Variants in COL22A1 observed in about 807,000 individuals in gnomAD.
COL22A1 encodes the protein collagen alpha-1(XXII) chain.
COL22A1 carries 221 observed loss-of-function variants against 248.9 expected under a neutral mutation model. The observed-to-expected ratio is 0.89, with a 90% confidence interval of 0.80 to 0.99. COL22A1 has a LOEUF of 0.99. Among genes scored for constraint, COL22A1 ranks in the 50% least tolerant of loss-of-function variants. COL22A1 has a pLI of 0.00. For missense variants in COL22A1, 2,240 were observed against 2,179.0 expected, an observed-to-expected ratio of 1.03 and a Z score of -0.56; for synonymous variants, 891 against 793.4, an observed-to-expected ratio of 1.12 and a Z score of -2.07.
intron 1 of COL22A1, among the ~76,000 whole-genome samples, chr8:138,906,046 A>T (rs1259027561): frequency 6.6e-6 from 1 of 152,132 alleles, no homozygotes; most frequent in Admixed American, 6.5e-5. Flanking sequence ...CCACAGACTC[A>T]TGGATCTTAG....
At position 138,648,584 on chromosome 8, in the gene COL22A1, CTT is replaced by C. The variant is rs143017862; in HGVS notation, c.3447+1079_3447+1080del. On this transcript the variant is annotated intron_variant, in intron 46 of 64. Transcript: ENST00000303045. ...AAATCCTTTTAAAAGGCAAAGAAGG[CTT>C]TTTTTTTTCCAGTTTGATGACCCAG... Among the ~76,000 whole-genome samples the C allele has an allele frequency of 8.8e-4, 131 of 149,218 alleles. No homozygotes were observed. In the East Asian group the frequency reaches 0.023, roughly 26 times the overall value.
intron 11 of COL22A1, among the ~76,000 whole-genome samples, 156 bp downstream of exon 11, chr8:138,802,716 A>T (rs1817105059): frequency 6.6e-6 from 1 of 152,096 alleles, no homozygotes; most frequent in South Asian, 2.1e-4. Flanking sequence ...GCCCATGGAG[A>T]GGAGCTAGGG....
At chr8:138,651,949 G>A (rs1395754589) in intron 45 of COL22A1, among the ~76,000 whole-genome samples, 1 of 152,192 alleles carries the variant, frequency 6.6e-6, no homozygotes, top group East Asian at 1.9e-4. Context: ...TGGGCCTGTT[G>A]CATACTATGC....
chr8:138,642,836 C>G (rs560151482), intron 47 of COL22A1, among the ~76,000 whole-genome samples: 19 of 152,258 alleles, frequency 1.2e-4, no homozygotes, highest in South Asian at 6.2e-4. Context: ...TGAGACCAGC[C>G]TGACCAACAT....
intron 17 of COL22A1, among the ~76,000 whole-genome samples, 156 bp from the exon 18 acceptor site, chr8:138,760,443 A>G (rs924786858): frequency 3.9e-5 from 6 of 152,192 alleles, no homozygotes; most frequent in African/African-American, 1.4e-4. Context: ...GACTGTGCTT[A>G]TTGCTAGAAA....
intron 41 of COL22A1, among the ~76,000 whole-genome samples, chr8:138,675,002 A>T (rs1825398556): frequency 6.6e-6 from 1 of 152,222 alleles, no homozygotes; most frequent in South Asian, 2.1e-4. Context: ...TTACCTGAGA[A>T]TGTGTTTTAA....
chr8:138,856,455 A>T (rs181086223), intron 3 of COL22A1, among the ~76,000 whole-genome samples: 1 of 152,102 alleles, frequency 6.6e-6, no homozygotes, highest in African/African-American at 2.4e-5. Flanking sequence ...AGAAGCAGTG[A>T]CAGCAAGAGA....
intron 44 of COL22A1, among the ~76,000 whole-genome samples, chr8:138,659,690 T>C (rs568063636): frequency 2.6e-5 from 4 of 152,266 alleles, no homozygotes; most frequent in Non-Finnish European, 4.4e-5. Flanking sequence ...TTCTCTGGCA[T>C]TGGAAACTCA....
chr8:138,615,950 T>C (rs1281108241), intron 55 of COL22A1, 51 bp downstream of exon 55: 2 of 1,405,280 alleles, frequency 1.4e-6, no homozygotes, highest in African/African-American at 1.4e-5. Flanking sequence ...ACTTCCTTGA[T>C]ACACCCACCC....
At chr8:138,779,399 A>C in intron 14 of COL22A1, 110 bp downstream of exon 14, 1 of 692,700 alleles carries the variant, frequency 1.4e-6, no homozygotes, top group Non-Finnish European at 2.6e-6. Context: ...ATATGAGAAG[A>C]GGGGCAGGGA....
In COL22A1 at chr8:138,615,999, A is replaced by G. The variant is rs1320596671; in HGVS notation, c.3924+2T>C. 1 of 1,612,414 alleles carries G rather than the reference A, an allele frequency of 6.2e-7. No homozygotes were observed. The highest frequency in any genetic ancestry group is 8.5e-7 in the Non-Finnish European group (1 of 1,178,748). On this transcript the variant is annotated splice_donor_variant, in intron 55 of 64. Coordinates refer to ENST00000303045, the MANE Select transcript of COL22A1 (RefSeq NM_152888.3). LOFTEE classifies it high-confidence loss of function. ...AGCCAGGTCCCACAGGACCCCACTT[A>G]CATCTTTTCCTGGTAACCCTTCCTG... is the stretch of plus-strand genomic sequence containing the variant.
At chr8:138,773,714 G>C (rs573361064) in intron 16 of COL22A1, among the ~76,000 whole-genome samples, 1 of 152,318 alleles carries the variant, frequency 6.6e-6, no homozygotes, top group South Asian at 2.1e-4. Flanking sequence ...TGTGGGTGCT[G>C]AGGGAAGACG....
chr8:138,791,806 C>A (rs554322953), intron 12 of COL22A1, among the ~76,000 whole-genome samples: 3 of 152,254 alleles, frequency 2.0e-5, no homozygotes, highest in African/African-American at 7.2e-5. Context: ...TTGAAGAAAA[C>A]CATAAAAGAC....
Position 138,802,912 on chromosome 8 carries a change from G to A in COL22A1, c.1517C>T (p.Pro506Leu), listed in dbSNP as rs371698463. 3.5e-5 allele frequency: 57 copies of A among 1,613,714 alleles called. No individual in the cohort carries two copies. The highest frequency in any genetic ancestry group is 1.7e-4 in the Admixed American group (10 of 60,006). Residue 506 changes from proline to leucine, a missense_variant, in exon 11 of 65, where the codon CCG (proline) becomes CTG (leucine). Coordinates refer to ENST00000303045, the MANE Select transcript of COL22A1 (RefSeq NM_152888.3). ...GPKGDIGAIG[P>L]VGAPGPKGEK... Reference sequence around the variant, plus strand: ...TCCCTTAGGTCCAGGAGCGCCAACCGGCCCAATGGCTCCTATGTCTCCCTG... The same window carrying A: ...TCCCTTAGGTCCAGGAGCGCCAACCAGCCCAATGGCTCCTATGTCTCCCTG...
rs1261238836 is a variant in COL22A1, at chr8:138,826,751, C to T, written c.876G>A (p.Glu292=). 6.2e-7 allele frequency: 1 copy of T among 1,614,138 alleles called. No individual in the cohort carries two copies. Among genetic ancestry groups the T allele is most frequent in the East Asian group, 2.2e-5 (1 of 44,870 alleles). ...ACCGGAAGGTTGTGACAAAGGCGTA[C>T]TCATCAGGTAAACCTTGGGGGAACA... ...EDVFPQGLPD[E]YAFVTTFRFR... Residue 292 remains glutamate (E), a synonymous_variant, in exon 6 of 65, where the codon GAG becomes GAA. Coordinates refer to ENST00000303045, the MANE Select transcript of COL22A1 (RefSeq NM_152888.3).
chr8:138,805,064 GGT>G (rs144328245), intron 10 of COL22A1, among the ~76,000 whole-genome samples: 50,020 of 132,306 alleles, frequency 0.38, 12,078 homozygotes, highest in African/African-American at 0.72. Context: ...GGTGTGTGAT[GGT>G]GTGTGTGTGT....
At chr8:138,700,012 C>A in intron 32 of COL22A1, 100 bp downstream of exon 32, 2 of 1,093,068 alleles carry the variant, frequency 1.8e-6, no homozygotes, top group Non-Finnish European at 2.8e-6. Flanking sequence ...CGCGATGGGG[C>A]TGAGTCCTCA....
chr8:138,699,692 G>T (rs1400057618), intron 32 of COL22A1, among the ~76,000 whole-genome samples: 11 of 152,166 alleles, frequency 7.2e-5, no homozygotes, highest in Non-Finnish European at 1.6e-4. Context: ...TGAGAATGGG[G>T]TCCCCTCTTG....
intron 56 of COL22A1, among the ~76,000 whole-genome samples, chr8:138,608,219 A>T (rs1436627092): frequency 6.6e-6 from 1 of 152,248 alleles, no homozygotes. Context: ...GTCCGTGGGC[A>T]TGAAAAAGTC....
Sources: gnomAD v4.1 joint callset for allele counts (sites outside exome capture counted in the v4.1 genomes callset) on GRCh38, gnomAD v4.1.1 for gene constraint, MANE v1.5 for transcripts, NCBI Gene and HGNC (gene_info 2026-07-23, HGNC 2026-07-21) for gene names.